Variants in CACNA1D observed in about 807,000 individuals in gnomAD.
The protein encoded by CACNA1D is voltage-dependent L-type calcium channel subunit alpha-1D.
In CACNA1D, 55 loss-of-function variants were observed where a neutral mutation model predicts 257.1. That is an observed-to-expected ratio of 0.21 (90% CI 0.17 to 0.27). The LOEUF is 0.27. CACNA1D is among the 10% of genes least tolerant of loss of function. CACNA1D has a pLI of 1.00. For synonymous variants in CACNA1D, 980 were observed against 1,014.9 expected (o/e 0.97, Z 0.65); for missense variants, 1,876 against 2,784.0 (o/e 0.67, Z 7.34).
At chr3:53,691,747 A>G (rs1259743739) in intron 8 of CACNA1D, among the ~76,000 whole-genome samples, 4 of 53,560 alleles carry the variant, frequency 7.5e-5, no homozygotes, top group Non-Finnish European at 1.4e-4. Context: ...TATTACATAT[A>G]TAATATATAT....
At chr3:53,582,311 G>A (rs807193) in intron 3 of CACNA1D, among the ~76,000 whole-genome samples, 125,643 of 152,004 alleles carry the variant, frequency 0.83, 52,109 homozygotes, top group African/African-American at 0.87. Flanking sequence ...TGCAAGCCCA[G>A]CCTTTCAGGA....
At chr3:53,802,386 G>A (rs1249439518) in intron 43 of CACNA1D, among the ~76,000 whole-genome samples, 2 of 152,204 alleles carry the variant, frequency 1.3e-5, no homozygotes, top group Non-Finnish European at 2.9e-5. Context: ...GCCATCCAAG[G>A]ACTGGTGTCC....
At chr3:53,733,016 G>C in intron 19 of CACNA1D, 54 bp downstream of exon 19, 2 of 1,596,260 alleles carry the variant, frequency 1.3e-6, no homozygotes, top group South Asian at 2.2e-5. Flanking sequence ...TGACCCTACA[G>C]GTTGCTTGAG....
intron 35 of CACNA1D, 81 bp from the exon 36 acceptor site, chr3:53,776,522 C>T: frequency 6.5e-7 from 1 of 1,536,180 alleles, no homozygotes; most frequent in Non-Finnish European, 9.0e-7. Context: ...GTTTCATGTC[C>T]ATGTCATTAG....
At chr3:53,764,649 G>A (rs985134929) in intron 30 of CACNA1D, among the ~76,000 whole-genome samples, 75 of 152,354 alleles carry the variant, frequency 4.9e-4, no homozygotes, top group African/African-American at 1.7e-3. Context: ...CCTCACGTGT[G>A]CTGCAGGCTG....
chr3:53,521,475 C>T (rs1008003858), intron 3 of CACNA1D, among the ~76,000 whole-genome samples: 8 of 152,130 alleles, frequency 5.3e-5, no homozygotes, highest in African/African-American at 1.7e-4. Context: ...GTCGGAGTAA[C>T]GGGAGGCACT....
chr3:53,762,653 G>A, intron 30 of CACNA1D: 1 of 456,636 alleles, frequency 2.2e-6, no homozygotes, highest in Non-Finnish European at 4.4e-6. Flanking sequence ...CAAACTTTGT[G>A]TCCTATATCA....
At chr3:53,612,307 A>G (rs181926223) in intron 3 of CACNA1D, among the ~76,000 whole-genome samples, 39 of 152,212 alleles carry the variant, frequency 2.6e-4, no homozygotes, top group Non-Finnish European at 4.7e-4. Flanking sequence ...GAGCATCTGA[A>G]TTTTCTTCCT....
intron 3 of CACNA1D, among the ~76,000 whole-genome samples, chr3:53,648,484 G>A (rs989763133): frequency 9.9e-5 from 15 of 152,096 alleles, no homozygotes; most frequent in African/African-American, 3.6e-4. Context: ...TGGCAATGCT[G>A]GTCCCTGCTC....
intron 3 of CACNA1D, among the ~76,000 whole-genome samples, chr3:53,642,632 AG>A (rs1444183578): frequency 6.6e-6 from 1 of 152,216 alleles, no homozygotes; most frequent in African/African-American, 2.4e-5. Context: ...CTGCCGCCCC[AG>A]GCATGCTGCT....
At position 53,665,682 on chromosome 3, in the gene CACNA1D, C is replaced by G. The variant is rs369697705; in HGVS notation, c.789C>G (p.Ser263=). The G allele has an allele frequency of 1.1e-5, 18 of 1,612,960 alleles. No homozygotes were observed. The African/African-American group carries it at 2.1e-4, about 19-fold the overall frequency. ...TAGGTTTACAAGTTGTCCTGAACTC[C>G]ATTATAAAAGCCATGGTTCCCCTCC... ...GVPSLQVVLN[S]IIKAMVPLLH... Residue 263 remains serine, a synonymous_variant, in exon 6 of 48, where the codon TCC becomes TCG. Transcript: ENST00000350061.
rs960347588 is a variant in CACNA1D, at chr3:53,708,862, G to A, written c.1390+6052G>A. Among the ~76,000 whole-genome samples the A allele has an allele frequency of 2.6e-5, 4 of 152,120 alleles. No individual in the cohort carries two copies. In the East Asian group the frequency reaches 5.8e-4, roughly 22 times the overall value. On this transcript the variant is annotated intron_variant, in intron 9 of 47. Transcript: ENST00000350061. ...CTGCACATAATACATGACACAGACC[G>A]CATGCATATAGCTTCCACCCTAAGA...
At chr3:53,543,722 T>C (rs1235883010) in intron 3 of CACNA1D, among the ~76,000 whole-genome samples, 1 of 152,200 alleles carries the variant, frequency 6.6e-6, no homozygotes, top group Non-Finnish European at 1.5e-5. Flanking sequence ...GCACTCTCAT[T>C]ATTTTACAGG....
chr3:53,707,229 G>A (rs1559546879), intron 9 of CACNA1D, among the ~76,000 whole-genome samples: 1 of 152,052 alleles, frequency 6.6e-6, no homozygotes, highest in Non-Finnish European at 1.5e-5. Flanking sequence ...CACCTGGGGA[G>A]CTTGGATGCT....
chr3:53,681,991 A>T (rs1057269732), intron 8 of CACNA1D, among the ~76,000 whole-genome samples: 2 of 152,174 alleles, frequency 1.3e-5, no homozygotes, highest in Non-Finnish European at 2.9e-5. Context: ...ATGAAGTCAG[A>T]TGAAAGGAAA....
intron 29 of CACNA1D, among the ~76,000 whole-genome samples, chr3:53,757,469 T>G (rs2095272689): frequency 6.6e-6 from 1 of 152,158 alleles, no homozygotes. Context: ...TTCTCTCTCC[T>G]GAGCTTCTAT....
chr3:53,605,731 C>T (rs1342614230), intron 3 of CACNA1D, among the ~76,000 whole-genome samples: 1 of 152,208 alleles, frequency 6.6e-6, no homozygotes, highest in Non-Finnish European at 1.5e-5. Flanking sequence ...TTCATGTTCA[C>T]AGCATCCTAT....
Position 53,647,117 on chromosome 3 carries a change from C to T in CACNA1D, c.484-3662C>T, listed in dbSNP as rs544697535. On this transcript the variant is annotated intron_variant, in intron 3 of 47. Coordinates refer to ENST00000350061, the MANE Select transcript of CACNA1D (RefSeq NM_001128840.3). ...CTCTAGTGGCTTGAGTTCTCGTGGG[C>T]GGGGTAGGGGGAGGGAGTGGGGGGA... Among the ~76,000 whole-genome samples, 19 of 143,208 alleles carry T rather than the reference C, an allele frequency of 1.3e-4. No individual in the cohort carries two copies. In the South Asian group the frequency reaches 3.5e-3, roughly 26 times the overall value. 94.0% of individuals were successfully genotyped at this position (143,208 alleles called of 152,430 possible).
intron 3 of CACNA1D, among the ~76,000 whole-genome samples, chr3:53,593,492 A>G (rs1576010090): frequency 6.6e-6 from 1 of 152,316 alleles, no homozygotes; most frequent in East Asian, 1.9e-4. Context: ...TTTGGAAGAA[A>G]TACACCCCAA....
Sources: allele counts gnomAD v4.1 joint callset (sites outside exome capture counted in the v4.1 genomes callset), GRCh38; gene constraint gnomAD v4.1.1; transcripts MANE v1.5; gene names NCBI Gene and HGNC (gene_info 2026-07-23, HGNC 2026-07-21).